Variants in MYH8 observed in about 807,000 individuals in gnomAD.
MYH8 encodes the protein myosin heavy chain 8, also known as myosin-8.
Under a neutral mutation model 233.2 loss-of-function variants are expected in MYH8, and 168 were observed. The ratio of observed to expected loss-of-function variants is 0.72; its 90% CI spans 0.64 to 0.82. The LOEUF is 0.82. Ranked by LOEUF, MYH8 falls within the 40% of genes least tolerant of loss-of-function variation. The pLI is 0.00. For missense variants in MYH8, 1,995 were observed against 2,327.8 expected, an observed-to-expected ratio of 0.86 and a Z score of 2.94; for synonymous variants, 785 against 850.6, an observed-to-expected ratio of 0.92 and a Z score of 1.34.
chr17:10,394,422 G>A lies in MYH8; in HGVS notation c.4993C>T (p.Arg1665Trp), dbSNP rs367601078. 40 of 1,614,018 alleles carry A rather than the reference G, an allele frequency of 2.5e-5. No individual in the cohort carries two copies. The highest frequency in any genetic ancestry group is 1.6e-4 in the South Asian group (15 of 91,082). The change falls in exon 35 of 40, where the codon CGG (arginine) becomes TGG (tryptophan). Residue 1665 changes from arginine (R) to tryptophan (W), a missense_variant. Around this residue, in one of 3 missense-constraint regions of MYH8, gnomAD observed 1,498 missense variants for 1,680.9 expected, o/e 0.89. Coordinates refer to ENST00000403437, the MANE Select transcript of MYH8 (RefSeq NM_002472.3). ...ETQLHLDDAL[R>W]GQEDLKEQLA... ...TGTTCCTTGAGGTCCTCCTGGCCCC[G>A]GAGAGCATCATCCAGGTGGAGCTGG... is the stretch of plus-strand genomic sequence containing the variant.
At position 10,396,740 on chromosome 17, in the gene MYH8, G is replaced by A. The variant is rs762140913; in HGVS notation, c.4363-22C>T. The A allele has an allele frequency of 8.7e-6, 14 of 1,614,150 alleles. No homozygotes were observed. Among genetic ancestry groups the A allele is most frequent in the South Asian group, 3.3e-5 (3 of 91,082 alleles). ...GGACCTGAAAAGCAATAAATCATGA[G>A]TTGATCCAAGGAGAAAGGAAGACCG... On this transcript the variant is annotated intron_variant, in intron 31 of 39. Transcript: ENST00000403437. This position sits in a 1 kb window ranked among gnomAD's most constrained non-coding sequence, Gnocchi z 4.2.
At chr17:10,420,959 C>T (rs2072334009) in intron 2 of MYH8, among the ~76,000 whole-genome samples, 1 of 152,162 alleles carries the variant, frequency 6.6e-6, no homozygotes, top group Admixed American at 6.5e-5. Flanking sequence ...AGCACAAAGG[C>T]CCTTCTTCCC....
rs1160620434 is a variant in MYH8, at chr17:10,405,835, G to GT, written c.2432+205dup. On this transcript the variant is annotated intron_variant, in intron 21 of 39. Transcript: ENST00000403437. ...CTTACTGCAAACTATTCCTGTGGCT[G>GT]TATGTGAGATGGCTGGAGGTAGGAG... 5.3e-5 allele frequency among the ~76,000 whole-genome samples: 8 copies of GT among 152,346 alleles called. No individual in the cohort carries two copies. The South Asian group carries it at 1.0e-3, about 20-fold the overall frequency.
chr17:10,411,536 A>G (rs2072244883), intron 14 of MYH8, among the ~76,000 whole-genome samples: 1 of 152,272 alleles, frequency 6.6e-6, no homozygotes, highest in African/African-American at 2.4e-5. Context: ...AAGTTCAACC[A>G]TGGTCCTGTG....
Position 10,399,610 on chromosome 17 carries a change from C to T in MYH8, c.3795G>A (p.Lys1265=), listed in dbSNP as rs1228521234. Residue 1265 remains lysine (K), a synonymous_variant, in exon 28 of 40, where the codon AAG becomes AAA. Transcript: ENST00000403437. ...LEDQVSELKT[K]EEEQQRLIND... ...TGATCAGCCGCTGCTGCTCCTCTTC[C>T]TTGGTCTTAAGCTCACTCACTTGAT... 6.2e-7 allele frequency: 1 copy of T among 1,613,994 alleles called. No homozygotes were observed. Among genetic ancestry groups the T allele is most frequent in the African/African-American group, 1.3e-5 (1 of 74,922 alleles).
chr17:10,405,229 C>T (rs796474020), intron 21 of MYH8, among the ~76,000 whole-genome samples: 3 of 152,124 alleles, frequency 2.0e-5, no homozygotes, highest in South Asian at 4.2e-4. Context: ...TTAATATTTG[C>T]GAGGCATTCA....
In MYH8 at chr17:10,400,952, ATTCT is replaced by A; in HGVS notation, c.3258_3261del (p.Lys1086AsnfsTer7). 1 of 1,613,672 alleles carries A rather than the reference ATTCT, an allele frequency of 6.2e-7. No individual in the cohort carries two copies. The highest frequency in any genetic ancestry group is 8.5e-7 in the Non-Finnish European group (1 of 1,179,918). Reference sequence around the variant, plus strand: ...TTGCTTATCAAATTGCTGATTTCAAATTCTTTCCTTTAGACAGAAGAGCAAGACG... The same window carrying A: ...TTGCTTATCAAATTGCTGATTTCAAATTCCTTTAGACAGAAGAGCAAGACG... On this transcript the variant is annotated frameshift_variant, in exon 26 of 40. Coordinates refer to ENST00000403437, the MANE Select transcript of MYH8 (RefSeq NM_002472.3). LOFTEE classifies it high-confidence loss of function. This position sits in a 1 kb window ranked among gnomAD's most constrained non-coding sequence, Gnocchi z 4.0.
chr17:10,396,898 G>A lies in MYH8; in HGVS notation c.4267C>T (p.Arg1423Trp), dbSNP rs777070777. The A allele has an allele frequency of 8.7e-6, 14 of 1,613,998 alleles. No individual in the cohort carries two copies. Among genetic ancestry groups the A allele is most frequent in the Middle Eastern group, 1.6e-4 (1 of 6,084 alleles). The change falls in exon 31 of 40, where the codon CGG (arginine) becomes TGG (tryptophan). Residue 1423 changes from arginine to tryptophan, a missense_variant. Coordinates refer to ENST00000403437, the MANE Select transcript of MYH8 (RefSeq NM_002472.3). This position sits in a 1 kb window ranked among gnomAD's most constrained non-coding sequence, Gnocchi z 4.2. ...AGGTCTTCAACTTCATTCTGGAGCC[G>A]CTGCTTCGTCTTCTCAAGGGAAGCA... ...KCASLEKTKQRLQNEVEDLML... is the reference protein window; with the variant it reads ...KCASLEKTKQWLQNEVEDLML...
chr17:10,419,128 G>C lies in MYH8; in HGVS notation c.211-98C>G. The C allele has an allele frequency of 7.2e-7, 1 of 1,387,732 alleles. No individual in the cohort carries two copies. Among genetic ancestry groups the C allele is most frequent in the Non-Finnish European group, 1.0e-6 (1 of 990,532 alleles). 86.0% of individuals were successfully genotyped at this position (1,387,732 alleles called of 1,614,324 possible). A position where few individuals can be genotyped will look rare whatever the true frequency, so the allele number is the denominator to read the frequency against. On this transcript the variant is annotated intron_variant, in intron 3 of 39. Coordinates refer to ENST00000403437, the MANE Select transcript of MYH8 (RefSeq NM_002472.3). This position sits in a 1 kb window ranked among gnomAD's most constrained non-coding sequence, Gnocchi z 4.0. ...GCTGGAGTGCAGTGGCGCGATCTCA[G>C]CTCACTGCAACCTCCGCCCTCCTGC...
Position 10,409,164 on chromosome 17 carries a change from T to A in MYH8, c.1898A>T (p.Asp633Val), listed in dbSNP as rs758822435. ...LFSTYASAEADSSAKKGAKKK... is the reference protein window; with the variant it reads ...LFSTYASAEAVSSAKKGAKKK... ...CTTAGCACCTTTCTTCGCGCTGCTA[T>A]CTGAGGTAAAAAGAAAACCCGTGAA... Residue 633 changes from aspartate (D) to valine (V), a missense_variant and splice_region_variant, in exon 17 of 40, where the codon GAT becomes GTT. Physicochemically the swap from Asp to Val is radical, Grantham distance 152. Transcript: ENST00000403437. The A allele has an allele frequency of 2.5e-6, 4 of 1,614,208 alleles. No individual in the cohort carries two copies. The highest frequency in any genetic ancestry group is 3.4e-6 in the Non-Finnish European group (4 of 1,180,038).
At chr17:10,420,660 G>A (rs1487277023) in intron 2 of MYH8, among the ~76,000 whole-genome samples, 2 of 152,168 alleles carry the variant, frequency 1.3e-5, no homozygotes, top group Non-Finnish European at 2.9e-5. Flanking sequence ...AGTTTGTCTT[G>A]TTCAAATGAA....
chr17:10,392,125 A>G, intron 38 of MYH8, 148 bp from the exon 39 acceptor site: 1 of 734,256 alleles, frequency 1.4e-6, no homozygotes, highest in Non-Finnish European at 2.4e-6. Context: ...TAACAGTAGC[A>G]CTCTTGGTAA....
chr17:10,396,936 A>T lies in MYH8; in HGVS notation c.4229T>A (p.Val1410Glu). ...CTCAAGGGAAGCACATTTGGCGTTC[A>T]CAGCTTCTACATGTTCCTCAGCTTC... Reference protein sequence around the residue: ...LQEAEEHVEAVNAKCASLEKT... With the variant: ...LQEAEEHVEAENAKCASLEKT... The change falls in exon 31 of 40, where the codon GTG becomes GAG. Residue 1410 changes from valine (V) to glutamate (E), a missense_variant. Transcript: ENST00000403437. This position sits in a 1 kb window ranked among gnomAD's most constrained non-coding sequence, Gnocchi z 4.2. 6.2e-7 allele frequency: 1 copy of T among 1,614,240 alleles called. No individual in the cohort carries two copies. The highest frequency in any genetic ancestry group is 2.2e-5 in the East Asian group (1 of 44,884).
At chr17:10,399,701 A>G (rs1390418791) in intron 27 of MYH8, 32 bp from the exon 28 acceptor site, 1 of 1,613,268 alleles carries the variant, frequency 6.2e-7, no homozygotes, top group Non-Finnish European at 8.5e-7. Flanking sequence ...AAGATGAGAC[A>G]TTGAATGCAA....
Position 10,418,680 on chromosome 17 carries a change from G to A in MYH8, c.476C>T (p.Ser159Phe). 3.7e-6 allele frequency: 6 copies of A among 1,613,918 alleles called. No homozygotes were observed. Among genetic ancestry groups the A allele is most frequent in the Non-Finnish European group, 5.1e-6 (6 of 1,179,870 alleles). Residue 159 changes from serine (S) to phenylalanine (F), a missense_variant, in exon 5 of 40, where the codon TCC becomes TTC. Coordinates refer to ENST00000403437, the MANE Select transcript of MYH8 (RefSeq NM_002472.3). ...GAACTGATAGGCATTGTCAGAGATG[G>A]AGAAGATGTGGGGCGGGGCCTCCTG... Reference protein sequence around the residue: ...KRQEAPPHIFSISDNAYQFML... With the variant: ...KRQEAPPHIFFISDNAYQFML...
At chr17:10,418,081 A>G (rs1468297125) in intron 5 of MYH8, among the ~76,000 whole-genome samples, 3 of 152,184 alleles carry the variant, frequency 2.0e-5, no homozygotes, top group South Asian at 2.1e-4. Flanking sequence ...CAATTTAAAC[A>G]TTTTTCTCAG....
In MYH8 at chr17:10,406,689, C is replaced by T. The variant is rs750636603; in HGVS notation, c.2171+1G>A. The T allele has an allele frequency of 1.9e-5, 30 of 1,610,866 alleles. No individual in the cohort carries two copies. Among genetic ancestry groups the T allele is most frequent in the Non-Finnish European group, 2.3e-5 (27 of 1,177,170 alleles). ...AATGAAATACATCAAAGAAGACTGA[C>T]CTTTGTTTGAAATCACCATATAAGA... On this transcript the variant is annotated splice_donor_variant, in intron 19 of 39. Transcript: ENST00000403437. LOFTEE classifies it high-confidence loss of function.
At chr17:10,412,855 A>G (rs2072256647) in intron 12 of MYH8, 127 bp from the exon 13 acceptor site, 12 of 958,538 alleles carry the variant, frequency 1.3e-5, no homozygotes, top group Non-Finnish European at 1.8e-5. Flanking sequence ...AAAAGGCCAA[A>G]TGAGGTTTTC....
chr17:10,408,549 C>T (rs2072215925), intron 17 of MYH8, among the ~76,000 whole-genome samples: 1 of 152,162 alleles, frequency 6.6e-6, no homozygotes, highest in African/African-American at 2.4e-5. Context: ...ATAGGAAAAT[C>T]ACATTACTTT....
Sources: allele counts gnomAD v4.1 joint callset (sites outside exome capture counted in the v4.1 genomes callset), GRCh38; gene constraint gnomAD v4.1.1; regional missense constraint gnomAD v4.1.1; non-coding constraint Gnocchi (gnomAD v3.1); transcripts MANE v1.5; gene names NCBI Gene and HGNC (gene_info 2026-07-23, HGNC 2026-07-21).